The following NRG3 variants were observed in gnomAD, a reference collection of about 807,000 sequenced individuals.
The protein encoded by NRG3 is pro-neuregulin-3, membrane-bound isoform.
Under a neutral mutation model 66.9 loss-of-function variants are expected in NRG3, and 31 were observed. The ratio of observed to expected loss-of-function variants is 0.46; its 90% CI spans 0.35 to 0.63. NRG3 has a LOEUF of 0.63. Ranked by LOEUF, NRG3 falls within the 20% of genes least tolerant of loss-of-function variation. The pLI, the probability that NRG3 is intolerant of heterozygous loss-of-function variation, is 0.00. For missense variants in NRG3, 910 were observed against 878.9 expected (o/e 1.04, Z -0.45); for synonymous variants, 393 against 359.4 (o/e 1.09, Z -1.06).
chr10:82,683,477 A>T (rs1421959733), intron 2 of NRG3, among the ~76,000 whole-genome samples: 1 of 152,170 alleles, frequency 6.6e-6, no homozygotes, highest in Non-Finnish European at 1.5e-5. Flanking sequence ...TATTCAATAA[A>T]AATGCTGTTA....
At chr10:82,347,735 A>G (rs986265267) in intron 1 of NRG3, among the ~76,000 whole-genome samples, 8 of 152,184 alleles carry the variant, frequency 5.3e-5, no homozygotes, top group Admixed American at 2.6e-4. Context: ...GACTTGCTTT[A>G]TGAATCTGAA....
intron 2 of NRG3, among the ~76,000 whole-genome samples, chr10:82,524,108 G>A (rs1340949738): frequency 4.6e-5 from 7 of 151,944 alleles, no homozygotes; most frequent in African/African-American, 7.2e-5. Context: ...CTCTTTTCTC[G>A]TAAGAACCAA....
chr10:82,717,434 G>T (rs2494022), intron 2 of NRG3, among the ~76,000 whole-genome samples: 2 of 135,364 alleles, frequency 1.5e-5, no homozygotes, highest in Non-Finnish European at 3.1e-5. Flanking sequence ...GAGTCTTGCT[G>T]TGTCGCCCAG....
intron 2 of NRG3, among the ~76,000 whole-genome samples, chr10:82,689,424 C>A (rs1219190509): frequency 6.6e-6 from 1 of 152,026 alleles, no homozygotes; most frequent in African/African-American, 2.4e-5. Flanking sequence ...TAAGTCTCAC[C>A]CATTTGTAAT....
chr10:82,514,701 TC>T (rs1463169328), intron 2 of NRG3, among the ~76,000 whole-genome samples: 2 of 152,190 alleles, frequency 1.3e-5, no homozygotes, highest in African/African-American at 4.8e-5. Flanking sequence ...CTATAAGGGC[TC>T]TTTTTCGTTT....
At chr10:82,578,415 C>T (rs961484765) in intron 2 of NRG3, among the ~76,000 whole-genome samples, 12 of 150,520 alleles carry the variant, frequency 8.0e-5, no homozygotes, top group Non-Finnish European at 8.9e-5. Flanking sequence ...GGTTTCTGTG[C>T]GGACTACTTG....
chr10:82,098,984 C>A (rs2066551375), intron 1 of NRG3, among the ~76,000 whole-genome samples: 1 of 152,156 alleles, frequency 6.6e-6, no homozygotes, highest in African/African-American at 2.4e-5. Flanking sequence ...CCAGGATGGT[C>A]TCGATCTCCT....
At chr10:82,573,557 G>A (rs2045864283) in intron 2 of NRG3, among the ~76,000 whole-genome samples, 1 of 151,678 alleles carries the variant, frequency 6.6e-6, no homozygotes, top group African/African-American at 2.4e-5. Flanking sequence ...TTATATTATT[G>A]CATACATCCA....
At chr10:82,181,950 G>A (rs929950152) in intron 1 of NRG3, among the ~76,000 whole-genome samples, 1 of 151,688 alleles carries the variant, frequency 6.6e-6, no homozygotes, top group African/African-American at 2.4e-5. Flanking sequence ...GTATACATAT[G>A]TATTTATAAG....
chr10:81,974,284 A>G (rs2347329), intron 1 of NRG3, among the ~76,000 whole-genome samples: 55,745 of 151,838 alleles, frequency 0.37, 12,902 homozygotes, highest in East Asian at 0.77. Flanking sequence ...TTTTTTTACC[A>G]GTACCATGCT....
chr10:82,951,403 T>C, intron 4 of NRG3, 66 bp from the exon 5 acceptor site: 1 of 1,272,640 alleles, frequency 7.9e-7, no homozygotes, highest in Non-Finnish European at 1.1e-6. Flanking sequence ...CAGAAGTACA[T>C]GGATGAAGAT....
intron 1 of NRG3, among the ~76,000 whole-genome samples, chr10:81,964,959 T>G (rs376492266): frequency 6.6e-6 from 1 of 152,334 alleles, no homozygotes; most frequent in African/African-American, 2.4e-5. Context: ...TTTGTTCCAT[T>G]GATAATTATT....
At chr10:82,298,087 T>A (rs2134714211) in intron 1 of NRG3, among the ~76,000 whole-genome samples, 1 of 152,054 alleles carries the variant, frequency 6.6e-6, no homozygotes, top group African/African-American at 2.4e-5. Context: ...GAGGCTGCAA[T>A]GAGCTATGGT....
chr10:82,398,491 A>ATGTATG (rs1247804786), intron 2 of NRG3, among the ~76,000 whole-genome samples: 3 of 139,092 alleles, frequency 2.2e-5, no homozygotes, highest in African/African-American at 7.8e-5. Flanking sequence ...GGCTTCGTGT[A>ATGTATG]TGTGTGTGTG....
chr10:82,383,603 T>G (rs1250573610), intron 2 of NRG3, among the ~76,000 whole-genome samples: 1 of 152,040 alleles, frequency 6.6e-6, no homozygotes, highest in Non-Finnish European at 1.5e-5. Context: ...TGTTACTATG[T>G]TTTTATTTAT....
At chr10:82,528,237 G>T (rs1039543601) in intron 2 of NRG3, among the ~76,000 whole-genome samples, 24 of 152,156 alleles carry the variant, frequency 1.6e-4, no homozygotes, top group African/African-American at 5.3e-4. Context: ...CTTGGTAAGA[G>T]AGGACATGAG....
intron 1 of NRG3, among the ~76,000 whole-genome samples, chr10:82,154,449 G>A (rs1353526912): frequency 2.6e-5 from 4 of 151,848 alleles, no homozygotes; most frequent in Non-Finnish European, 5.9e-5. Context: ...TTTTATGCCA[G>A]TACCATGATG....
chr10:82,049,292 A>G (rs1406826650), intron 1 of NRG3, among the ~76,000 whole-genome samples: 1 of 152,094 alleles, frequency 6.6e-6, no homozygotes, highest in Admixed American at 6.6e-5. Flanking sequence ...ATTCAACATC[A>G]ATCATAAGAG....
At chr10:82,560,614 C>T (rs530069091) in intron 2 of NRG3, among the ~76,000 whole-genome samples, 157 of 150,846 alleles carry the variant, frequency 1.0e-3, no homozygotes, top group African/African-American at 3.5e-3. Context: ...ATTTTTCTTT[C>T]AATCTTTATC....
Sources: gnomAD v4.1 joint callset for allele counts (sites outside exome capture counted in the v4.1 genomes callset) on GRCh38, gnomAD v4.1.1 for gene constraint, MANE v1.5 for transcripts, NCBI Gene and HGNC (gene_info 2026-07-23, HGNC 2026-07-21) for gene names.